The following FSTL5 variants were observed in gnomAD, a reference collection of about 807,000 sequenced individuals.
FSTL5 encodes follistatin-related protein 5.
A neutral mutation model predicts 89.1 loss-of-function variants in FSTL5; 62 were observed. The ratio of observed to expected loss-of-function variants is 0.70; its 90% CI spans 0.57 to 0.86. The LOEUF (loss-of-function observed/expected upper bound fraction) is 0.86, where lower values mean the gene tolerates loss of function less well. Ranked by LOEUF, FSTL5 falls within the 40% of genes least tolerant of loss-of-function variation. The pLI is 0.00. For synonymous variants in FSTL5, 383 were observed against 346.2 expected (o/e 1.11, Z -1.18); for missense variants, 1,057 against 1,001.6 (o/e 1.06, Z -0.75).
At chr4:162,027,078 C>G (rs1165138393) in intron 3 of FSTL5, among the ~76,000 whole-genome samples, 1 of 152,076 alleles carries the variant, frequency 6.6e-6, no homozygotes, top group African/African-American at 2.4e-5. Context: ...AAATAAGAAA[C>G]ATGACCAGTT....
intron 4 of FSTL5, among the ~76,000 whole-genome samples, chr4:161,847,272 A>T (rs1166129094): frequency 6.6e-6 from 1 of 152,218 alleles, no homozygotes; most frequent in Non-Finnish European, 1.5e-5. Flanking sequence ...TAAATTGGTT[A>T]TTCTTATAAT....
intron 10 of FSTL5, among the ~76,000 whole-genome samples, chr4:161,514,521 C>G (rs981560115): frequency 6.6e-6 from 1 of 152,088 alleles, no homozygotes; most frequent in Admixed American, 6.6e-5. Context: ...GTTTACTATT[C>G]AGGTGATAGT....
rs1170242640 is a variant in FSTL5 at position 161,616,531 on chromosome 4, G to C, written c.895-28956C>G. On this transcript the variant is annotated intron_variant, in intron 7 of 15. Coordinates refer to ENST00000306100, the MANE Select transcript of FSTL5 (RefSeq NM_020116.5). ...TTTTGGGACTCAGACTGGCTTCCTT[G>C]CTCCTCAGCTTGCAGACGGCCCATT... Among the ~76,000 whole-genome samples the C allele has an allele frequency of 4.6e-5, 7 of 152,106 alleles. No individual in the cohort carries two copies. In the South Asian group the frequency reaches 8.3e-4, roughly 18 times the overall value.
chr4:162,163,437 G>GTAATAATAATAA (rs34283366), intron 1 of FSTL5, among the ~76,000 whole-genome samples, 178 bp downstream of exon 1: 2,385 of 140,650 alleles, frequency 0.017, 29 homozygotes, highest in Middle Eastern at 0.025. Flanking sequence ...AGATTGTCTT[G>GTAATAATAATAA]TAATAATAAT....
chr4:162,084,102 A>C (rs1035071552), intron 2 of FSTL5, among the ~76,000 whole-genome samples: 3 of 151,936 alleles, frequency 2.0e-5, no homozygotes, highest in African/African-American at 7.2e-5. Flanking sequence ...ATATATCATA[A>C]AATTATAATA....
chr4:161,900,138 G>A (rs1161353284), intron 4 of FSTL5, among the ~76,000 whole-genome samples: 1 of 151,874 alleles, frequency 6.6e-6, no homozygotes, highest in African/African-American at 2.4e-5. Flanking sequence ...CAGTTGCAGT[G>A]AGCCCAAGAT....
At chr4:161,956,602 C>A (rs1312600726) in intron 3 of FSTL5, among the ~76,000 whole-genome samples, 1 of 151,670 alleles carries the variant, frequency 6.6e-6, no homozygotes, top group African/African-American at 2.4e-5. Context: ...TTGCACTGAC[C>A]TAAAACAGTA....
intron 2 of FSTL5, among the ~76,000 whole-genome samples, chr4:162,066,067 A>G (rs1738885299): frequency 6.6e-6 from 1 of 152,096 alleles, no homozygotes; most frequent in East Asian, 1.9e-4. Context: ...TACAAGATTT[A>G]GAACATTTAT....
intron 4 of FSTL5, among the ~76,000 whole-genome samples, chr4:161,831,989 T>C (rs1730861446): frequency 6.6e-6 from 1 of 152,030 alleles, no homozygotes. Context: ...GTTAAAACCA[T>C]GAATTCACTG....
chr4:161,570,109 G>A (rs78965381), intron 8 of FSTL5, among the ~76,000 whole-genome samples: 5,411 of 152,138 alleles, frequency 0.036, 321 homozygotes, highest in African/African-American at 0.12. Flanking sequence ...CATTAATACA[G>A]GAAGAAAAGT....
At chr4:162,127,607 T>C (rs1333514479) in intron 1 of FSTL5, among the ~76,000 whole-genome samples, 3 of 152,224 alleles carry the variant, frequency 2.0e-5, no homozygotes, top group Non-Finnish European at 4.4e-5. Flanking sequence ...TCATAAAGTT[T>C]TCTTGTGATA....
chr4:161,761,448 G>A lies in FSTL5; in HGVS notation c.607-1917C>T, dbSNP rs547354602. Among the ~76,000 whole-genome samples, 65 of 152,230 alleles carry A rather than the reference G, an allele frequency of 4.3e-4. No homozygotes were observed. The South Asian group carries it at 5.0e-3, about 12-fold the overall frequency. On this transcript the variant is annotated intron_variant, in intron 5 of 15. Coordinates refer to ENST00000306100, the MANE Select transcript of FSTL5 (RefSeq NM_020116.5). ...ATGTTAGCATTGTGGTAATATTTAG[G>A]ATGCAGTGATACCAGGCTTTATTCA...
chr4:161,569,165 G>T (rs1351379457), intron 8 of FSTL5, among the ~76,000 whole-genome samples: 1 of 152,072 alleles, frequency 6.6e-6, no homozygotes. Flanking sequence ...ATTTTTAGTG[G>T]AGATGAGATC....
rs529399069 is a variant in FSTL5 at position 162,070,345 on chromosome 4, T to C, written c.127-36687A>G. Among the ~76,000 whole-genome samples, 13 of 151,980 alleles carry C rather than the reference T, an allele frequency of 8.6e-5. No individual in the cohort carries two copies. The East Asian group carries it at 9.7e-4, about 11-fold the overall frequency. Reference sequence around the variant, plus strand: ...ACTTAATCATTTCATAGTTTCTGTGTAAAAGCTTTTTAGTTTGATATAATA... The same window carrying C: ...ACTTAATCATTTCATAGTTTCTGTGCAAAAGCTTTTTAGTTTGATATAATA... On this transcript the variant is annotated intron_variant, in intron 2 of 15. Coordinates refer to ENST00000306100, the MANE Select transcript of FSTL5 (RefSeq NM_020116.5).
intron 15 of FSTL5, among the ~76,000 whole-genome samples, chr4:161,424,754 C>G (rs1247899386): frequency 6.6e-6 from 1 of 152,110 alleles, no homozygotes; most frequent in Non-Finnish European, 1.5e-5. Context: ...TCCTAGCAGA[C>G]CAGTCCAAAT....
chr4:161,619,571 C>T (rs747905876), intron 7 of FSTL5, among the ~76,000 whole-genome samples: 1 of 152,094 alleles, frequency 6.6e-6, no homozygotes, highest in South Asian at 2.1e-4. Context: ...ATTTATGCAG[C>T]CAAAAAACAT....
At chr4:162,100,860 A>G (rs1351427320) in intron 2 of FSTL5, among the ~76,000 whole-genome samples, 1 of 152,204 alleles carries the variant, frequency 6.6e-6, no homozygotes, top group Non-Finnish European at 1.5e-5. Context: ...GCAGTGAGAA[A>G]GAGAAAAGAG....
chr4:161,433,354 T>C (rs984293603), intron 15 of FSTL5, among the ~76,000 whole-genome samples: 4 of 151,970 alleles, frequency 2.6e-5, no homozygotes, highest in Non-Finnish European at 4.4e-5. Context: ...TAAAATTCAA[T>C]ATCCCTTTAT....
intron 6 of FSTL5, among the ~76,000 whole-genome samples, chr4:161,744,044 C>T (rs1187339264): frequency 6.6e-6 from 1 of 152,016 alleles, no homozygotes; most frequent in Non-Finnish European, 1.5e-5. Context: ...CAACCAGTTG[C>T]AAATTCTAAC....
Sources: allele counts gnomAD v4.1 joint callset (sites outside exome capture counted in the v4.1 genomes callset), GRCh38; gene constraint gnomAD v4.1.1; transcripts MANE v1.5; gene names NCBI Gene and HGNC (gene_info 2026-07-23, HGNC 2026-07-21).